Variants in TRPC4 observed in about 807,000 individuals in gnomAD.
TRPC4 encodes the protein short transient receptor potential channel 4.
Under a neutral mutation model 99.4 loss-of-function variants are expected in TRPC4, and 49 were observed. The ratio of observed to expected loss-of-function variants is 0.49; its 90% CI spans 0.39 to 0.63. The LOEUF is 0.63. Among genes scored for constraint, TRPC4 ranks in the 20% least tolerant of loss-of-function variants. TRPC4 has a pLI of 0.00. For missense variants in TRPC4, 898 were observed against 1,152.9 expected, an observed-to-expected ratio of 0.78 and a Z score of 3.20; for synonymous variants, 454 against 425.9, an observed-to-expected ratio of 1.07 and a Z score of -0.81.
chr13:37,784,573 T>A (rs1215212797), intron 1 of TRPC4, among the ~76,000 whole-genome samples: 2 of 152,038 alleles, frequency 1.3e-5, no homozygotes, highest in Admixed American at 6.6e-5. Flanking sequence ...ACATATTTAT[T>A]TGGATATGTT....
intron 2 of TRPC4, 26 bp from the exon 3 acceptor site, chr13:37,746,481 T>C: frequency 6.4e-7 from 1 of 1,564,484 alleles, no homozygotes; most frequent in Non-Finnish European, 8.6e-7. Flanking sequence ...GCAGAGGTGA[T>C]GAATATTTAT....
At chr13:37,868,847 C>G (rs1210753551) in intron 1 of TRPC4, among the ~76,000 whole-genome samples, 2 of 152,114 alleles carry the variant, frequency 1.3e-5, no homozygotes, top group Non-Finnish European at 2.9e-5. Context: ...TTCCTCAGCT[C>G]TCCTAAACCC....
At chr13:37,719,662 C>T (rs1038781381) in intron 3 of TRPC4, among the ~76,000 whole-genome samples, 1 of 151,964 alleles carries the variant, frequency 6.6e-6, no homozygotes, top group Non-Finnish European at 1.5e-5. Flanking sequence ...TAAAGAACAG[C>T]AATGTGGGGT....
chr13:37,745,537 CG>C (rs1955747348), intron 3 of TRPC4, among the ~76,000 whole-genome samples: 2 of 63,616 alleles, frequency 3.1e-5, no homozygotes, highest in African/African-American at 2.2e-4. Context: ...TGTATATATA[CG>C]TATATATATA....
intron 9 of TRPC4, 54 bp downstream of exon 9, chr13:37,639,204 G>A (rs1951636517): frequency 1.2e-6 from 2 of 1,611,936 alleles, no homozygotes; most frequent in African/African-American, 1.3e-5. Context: ...TCTGAAGGGG[G>A]GACTGCATTT....
At position 37,802,029 on chromosome 13, in the gene TRPC4, A is replaced by G. The variant is rs77708219; in HGVS notation, c.-27-18669T>C. ...TATGTAAAAAAATACTATCAAACAC[A>G]CTAATTAATTTTAAAAAGCTTTGTT... On this transcript the variant is annotated intron_variant, in intron 1 of 10. Coordinates refer to ENST00000379705, the MANE Select transcript of TRPC4 (RefSeq NM_016179.4). 8.2e-3 allele frequency among the ~76,000 whole-genome samples: 1,245 copies of G among 152,188 alleles called. 26 individuals carry two copies. The East Asian group carries it at 0.1, about 12-fold the overall frequency.
chr13:37,782,347 A>T (rs956100405), intron 2 of TRPC4, among the ~76,000 whole-genome samples: 4 of 152,128 alleles, frequency 2.6e-5, no homozygotes, highest in Non-Finnish European at 4.4e-5. Context: ...GTATAGCTAC[A>T]TTTGCACCAT....
chr13:37,768,601 A>G (rs1956457147), intron 2 of TRPC4, among the ~76,000 whole-genome samples: 1 of 151,422 alleles, frequency 6.6e-6, no homozygotes, highest in African/African-American at 2.4e-5. Context: ...GTTCTGTAGC[A>G]ACCAGCTAAG....
intron 8 of TRPC4, among the ~76,000 whole-genome samples, chr13:37,651,018 G>C (rs541899552): frequency 6.6e-6 from 1 of 152,176 alleles, no homozygotes; most frequent in East Asian, 1.9e-4. Flanking sequence ...AACTCAAGGA[G>C]GGCTGTGTGA....
chr13:37,827,394 C>CT, intron 1 of TRPC4, among the ~76,000 whole-genome samples: 1 of 152,168 alleles, frequency 6.6e-6, no homozygotes, highest in East Asian at 1.9e-4. Context: ...TTTTCCCTAT[C>CT]TTGTGGTTTT....
intron 2 of TRPC4, among the ~76,000 whole-genome samples, chr13:37,781,741 G>A (rs1292000442): frequency 6.6e-6 from 1 of 152,066 alleles, no homozygotes; most frequent in Non-Finnish European, 1.5e-5. Flanking sequence ...GTGGAGTGCT[G>A]TTTTATCAAA....
At chr13:37,796,888 T>A (rs911228747) in intron 1 of TRPC4, among the ~76,000 whole-genome samples, 4 of 121,660 alleles carry the variant, frequency 3.3e-5, no homozygotes, top group Non-Finnish European at 6.9e-5. Flanking sequence ...AGCCCAGGAG[T>A]TCGAGACCAG....
At chr13:37,812,197 C>CAAAAAAAAAAAAAAAAAAA (rs1156963631) in intron 1 of TRPC4, among the ~76,000 whole-genome samples, 7 of 111,234 alleles carry the variant, frequency 6.3e-5, no homozygotes, top group East Asian at 5.3e-4. Flanking sequence ...AAAAAAAAAC[C>CAAAAAAAAAAAAAAAAAAA]AGGAGATCTA....
chr13:37,815,845 A>G (rs1299187830), intron 1 of TRPC4, among the ~76,000 whole-genome samples: 1 of 151,632 alleles, frequency 6.6e-6, no homozygotes, highest in Non-Finnish European at 1.5e-5. Flanking sequence ...TACATACTCT[A>G]AAACTGACAA....
intron 1 of TRPC4, among the ~76,000 whole-genome samples, chr13:37,807,540 A>G (rs1315607702): frequency 6.6e-6 from 1 of 152,076 alleles, no homozygotes; most frequent in African/African-American, 2.4e-5. Flanking sequence ...ACAGAAATAA[A>G]TCAGCAGTAT....
intron 4 of TRPC4, among the ~76,000 whole-genome samples, chr13:37,690,878 T>A (rs1399071613): frequency 1.3e-5 from 2 of 152,082 alleles, no homozygotes; most frequent in Non-Finnish European, 2.9e-5. Flanking sequence ...CCCAAACTGA[T>A]ATTCTGAGAT....
At position 37,845,298 on chromosome 13, in the gene TRPC4, C is replaced by A. The variant is rs1958861282; in HGVS notation, c.-28+24297G>T. On this transcript the variant is annotated intron_variant, in intron 1 of 10. Transcript: ENST00000379705. ...ACCAAAAGAAGTTAATAAAGCTCTACTGATGGACCCAGAAGAAATGGAGAT... is the reference window on the plus strand; with the variant it reads ...ACCAAAAGAAGTTAATAAAGCTCTAATGATGGACCCAGAAGAAATGGAGAT... Among the ~76,000 whole-genome samples, 2 of 152,066 alleles carry A rather than the reference C, an allele frequency of 1.3e-5. 1 individual carries two copies. Among genetic ancestry groups the A allele is most frequent in the Non-Finnish European group, 2.9e-5 (2 of 68,016 alleles).
chr13:37,786,704 G>T (rs1956979619), intron 1 of TRPC4, among the ~76,000 whole-genome samples: 2 of 151,926 alleles, frequency 1.3e-5, no homozygotes, highest in South Asian at 4.2e-4. Flanking sequence ...AACTTTGGAG[G>T]GGAAATGATT....
At chr13:37,823,045 GT>G (rs1358183674) in intron 1 of TRPC4, among the ~76,000 whole-genome samples, 1 of 150,554 alleles carries the variant, frequency 6.6e-6, no homozygotes, top group Non-Finnish European at 1.5e-5. Flanking sequence ...TTTTTCATGT[GT>G]TTTTTGGCTG....
Sources: gnomAD v4.1 joint callset for allele counts (sites outside exome capture counted in the v4.1 genomes callset) on GRCh38, gnomAD v4.1.1 for gene constraint, MANE v1.5 for transcripts, NCBI Gene and HGNC (gene_info 2026-07-23, HGNC 2026-07-21) for gene names.